Variants in IMMP2L observed in about 807,000 individuals in gnomAD.
The protein encoded by IMMP2L is mitochondrial inner membrane protease subunit 2.
Under a neutral mutation model 19.3 loss-of-function variants are expected in IMMP2L, and 18 were observed. The ratio of observed to expected loss-of-function variants is 0.93; its 90% CI spans 0.64 to 1.38. The LOEUF (loss-of-function observed/expected upper bound fraction) is 1.38, where lower values mean the gene tolerates loss of function less well. IMMP2L is among the 40% of genes most tolerant of loss of function. The pLI is 0.00. For synonymous variants in IMMP2L, 76 were observed against 73.0 expected (o/e 1.04, Z -0.21); for missense variants, 233 against 218.2 (o/e 1.07, Z -0.43).
intron 3 of IMMP2L, among the ~76,000 whole-genome samples, chr7:111,121,200 G>T (rs1047266281): frequency 1.3e-5 from 2 of 152,142 alleles, no homozygotes; most frequent in African/African-American, 4.8e-5. Context: ...TTTTGATGGG[G>T]TTGTTTGTTT....
intron 3 of IMMP2L, among the ~76,000 whole-genome samples, chr7:111,427,956 G>C (rs1332045591): frequency 1.3e-5 from 2 of 151,676 alleles, no homozygotes; most frequent in Non-Finnish European, 2.9e-5. Flanking sequence ...GAATACTAAT[G>C]ATATTCATTT....
intron 1 of IMMP2L, among the ~76,000 whole-genome samples, chr7:111,547,306 G>C (rs555757582): frequency 6.6e-6 from 1 of 152,214 alleles, no homozygotes; most frequent in East Asian, 1.9e-4. Flanking sequence ...CTGAGGGCTT[G>C]GAACAATCAC....
At chr7:110,700,369 A>G (rs1438438707) in intron 5 of IMMP2L, among the ~76,000 whole-genome samples, 2 of 151,972 alleles carry the variant, frequency 1.3e-5, no homozygotes, top group African/African-American at 4.8e-5. Flanking sequence ...CTTTCAAAGC[A>G]CCACTACTTG....
intron 3 of IMMP2L, among the ~76,000 whole-genome samples, chr7:111,055,058 T>A (rs1793375118): frequency 6.6e-6 from 1 of 151,234 alleles, no homozygotes; most frequent in Non-Finnish European, 1.5e-5. Context: ...CTTCTTTTTT[T>A]TTTTTTCCCA....
chr7:111,539,527 T>C (rs1363999651), intron 1 of IMMP2L, among the ~76,000 whole-genome samples: 8 of 152,104 alleles, frequency 5.3e-5, no homozygotes, highest in Non-Finnish European at 1.2e-4. Context: ...CTGTGCTTCA[T>C]GGTCTCCTAA....
chr7:111,496,581 T>A (rs1843615060), intron 2 of IMMP2L, among the ~76,000 whole-genome samples: 1 of 152,122 alleles, frequency 6.6e-6, no homozygotes, highest in South Asian at 2.1e-4. Flanking sequence ...AGAGGAAAGG[T>A]AAATATTTTC....
At chr7:110,938,634 A>G (rs541753324) in intron 4 of IMMP2L, among the ~76,000 whole-genome samples, 1 of 152,252 alleles carries the variant, frequency 6.6e-6, no homozygotes, top group South Asian at 2.1e-4. Flanking sequence ...CTTGTGCACA[A>G]TATTCAATAT....
At chr7:111,029,998 C>T (rs1305656843) in intron 3 of IMMP2L, among the ~76,000 whole-genome samples, 2 of 152,210 alleles carry the variant, frequency 1.3e-5, no homozygotes, top group African/African-American at 4.8e-5. Context: ...CATAGAATCC[C>T]AAAACCCAGT....
chr7:111,281,164 A>AGAC (rs1819718951), intron 3 of IMMP2L, among the ~76,000 whole-genome samples: 3 of 22,742 alleles, frequency 1.3e-4, no homozygotes, highest in Admixed American at 4.6e-4. Context: ...GACAGAAAGA[A>AGAC]AGAAAGAAAG....
At chr7:111,547,396 T>G (rs150165131) in intron 1 of IMMP2L, among the ~76,000 whole-genome samples, 5 of 151,994 alleles carry the variant, frequency 3.3e-5, no homozygotes, top group Admixed American at 3.3e-4. Flanking sequence ...TCATAGTTGA[T>G]TCTCACTTTA....
chr7:111,529,359 G>A (rs1349042937), intron 1 of IMMP2L, among the ~76,000 whole-genome samples: 2 of 152,150 alleles, frequency 1.3e-5, no homozygotes, highest in African/African-American at 2.4e-5. Flanking sequence ...TCCACTGGAA[G>A]CAGATCCTGG....
chr7:110,866,143 T>G (rs1199192344), intron 5 of IMMP2L, among the ~76,000 whole-genome samples: 1 of 152,040 alleles, frequency 6.6e-6, no homozygotes, highest in East Asian at 1.9e-4. Context: ...GAGTATCTAT[T>G]ACATTTGTTG....
chr7:111,116,092 T>C (rs1799849458), intron 3 of IMMP2L, among the ~76,000 whole-genome samples: 1 of 152,190 alleles, frequency 6.6e-6, no homozygotes, highest in Admixed American at 6.5e-5. Context: ...AAGCATATCT[T>C]GAGACTCAGG....
At chr7:110,754,001 C>A (rs998123044) in intron 5 of IMMP2L, among the ~76,000 whole-genome samples, 1 of 151,962 alleles carries the variant, frequency 6.6e-6, no homozygotes, top group East Asian at 1.9e-4. Flanking sequence ...TTTCTTTCTA[C>A]AAAATCTGCA....
At chr7:111,206,145 A>G (rs1586824980) in intron 3 of IMMP2L, among the ~76,000 whole-genome samples, 1 of 152,180 alleles carries the variant, frequency 6.6e-6, no homozygotes, top group Non-Finnish European at 1.5e-5. Flanking sequence ...CACAGCTGTG[A>G]TTTTAAAGAA....
chr7:111,365,536 A>T (rs962141716), intron 3 of IMMP2L, among the ~76,000 whole-genome samples: 1 of 152,132 alleles, frequency 6.6e-6, no homozygotes, highest in Non-Finnish European at 1.5e-5. Flanking sequence ...TTAAAACATC[A>T]TAGGTTCTGA....
Position 110,929,544 on chromosome 7 carries a change from C to G in IMMP2L, c.305+33956G>C, listed in dbSNP as rs1353177091. Among the ~76,000 whole-genome samples the G allele has an allele frequency of 2.6e-5, 4 of 152,256 alleles. No homozygotes were observed. The East Asian group carries it at 7.7e-4, about 29-fold the overall frequency. On this transcript the variant is annotated intron_variant, in intron 4 of 5. Coordinates refer to ENST00000405709, the MANE Select transcript of IMMP2L (RefSeq NM_032549.4). ...AGAAAGAAGTTGCTTTCTGTTCAGG[C>G]TGTTTCTATACAAGTACTGAGCATT...
intron 3 of IMMP2L, among the ~76,000 whole-genome samples, chr7:111,357,334 C>T (rs1360625149): frequency 2.0e-5 from 3 of 152,100 alleles, no homozygotes; most frequent in Admixed American, 2.0e-4. Flanking sequence ...TAACAATTTT[C>T]TTTAAATTCA....
chr7:110,769,326 C>A (rs1299631841), intron 5 of IMMP2L, among the ~76,000 whole-genome samples: 1 of 152,154 alleles, frequency 6.6e-6, no homozygotes, highest in Admixed American at 6.6e-5. Flanking sequence ...ACAGGAATGA[C>A]CTCTTGTACA....
Sources: allele counts gnomAD v4.1 joint callset (sites outside exome capture counted in the v4.1 genomes callset), GRCh38; gene constraint gnomAD v4.1.1; transcripts MANE v1.5; gene names NCBI Gene and HGNC (gene_info 2026-07-23, HGNC 2026-07-21).